DERA: variants seen among roughly 807,000 people sequenced by gnomAD.
DERA encodes deoxyribose-phosphate aldolase, also known as 2-deoxy-D-ribose 5-phosphate aldolase.
Under a neutral mutation model 41.1 loss-of-function variants are expected in DERA, and 15 were observed. The observed-to-expected ratio is 0.37, with a 90% confidence interval of 0.24 to 0.56. DERA has a LOEUF of 0.56. DERA is among the 20% of genes least tolerant of loss of function. The pLI is 0.81. For missense variants in DERA, 396 were observed against 403.4 expected (o/e 0.98, Z 0.16); for synonymous variants, 139 against 137.4 (o/e 1.01, Z -0.08).
rs1226678012 is a variant in DERA at position 16,012,123 on chromosome 12, G to C, written c.638-20419G>C. ...GTATGCACTTTATAGAAAAGTACTA[G>C]CATAGAGTGGGTGCTCAGTAAGTGT... On this transcript the variant is annotated intron_variant, in intron 6 of 8. Transcript: ENST00000428559. This position sits in a 1 kb window ranked among gnomAD's most constrained non-coding sequence, Gnocchi z 4.1. 6.6e-6 allele frequency among the ~76,000 whole-genome samples: 1 copy of C among 152,218 alleles called. No homozygotes were observed. Among genetic ancestry groups the C allele is most frequent in the Non-Finnish European group, 1.5e-5 (1 of 68,040 alleles).
At chr12:15,926,522 A>G (rs1337271536) in intron 1 of DERA, among the ~76,000 whole-genome samples, 9 of 151,988 alleles carry the variant, frequency 5.9e-5, no homozygotes, top group Admixed American at 1.3e-4. Context: ...GGATCACGAG[A>G]TGAGGAGATC....
Position 15,993,444 on chromosome 12 carries a change from C to G in DERA, c.637+11008C>G, listed in dbSNP as rs147040937. 2.7e-5 allele frequency among the ~76,000 whole-genome samples: 4 copies of G among 150,826 alleles called. No homozygotes were observed. The East Asian group carries it at 7.8e-4, about 29-fold the overall frequency. On this transcript the variant is annotated intron_variant, in intron 6 of 8. Coordinates refer to ENST00000428559, the MANE Select transcript of DERA (RefSeq NM_015954.4). This position sits in a 1 kb window ranked among gnomAD's most constrained non-coding sequence, Gnocchi z 4.4. Reference sequence around the variant, plus strand: ...CTTTGTATACTCAAGGAGTATTGATCCAGATGGCACATCTAGACTCCTGTG... The same window carrying G: ...CTTTGTATACTCAAGGAGTATTGATGCAGATGGCACATCTAGACTCCTGTG...
chr12:15,923,268 C>T (rs958656234), intron 1 of DERA, among the ~76,000 whole-genome samples: 9 of 151,744 alleles, frequency 5.9e-5, no homozygotes, highest in Non-Finnish European at 1.3e-4. Context: ...GTGATCCGCC[C>T]GCCTCGGCCT....
At chr12:16,022,708 A>C (rs1163504703) in intron 6 of DERA, among the ~76,000 whole-genome samples, 1 of 152,210 alleles carries the variant, frequency 6.6e-6, no homozygotes, top group African/African-American at 2.4e-5. Flanking sequence ...TGAAATCCAG[A>C]GAGACAGATA....
rs988786365 is a variant in DERA, at chr12:15,922,365, T to A, written c.31+10951T>A. ...TCTTGAGCTAGGCAAAGATCTCATA[T>A]GGATTTTTATTAGTGAAAACATTTC... On this transcript the variant is annotated intron_variant, in intron 1 of 8. Transcript: ENST00000428559. This position sits in a 1 kb window ranked among gnomAD's most constrained non-coding sequence, Gnocchi z 4.9. 1.3e-5 allele frequency among the ~76,000 whole-genome samples: 2 copies of A among 152,174 alleles called. No individual in the cohort carries two copies. The highest frequency in any genetic ancestry group is 4.8e-5 in the African/African-American group (2 of 41,444).
rs1327698182 is a variant in DERA, at chr12:15,970,942, A to G, written c.508+7995A>G. Among the ~76,000 whole-genome samples, 3 of 152,234 alleles carry G rather than the reference A, an allele frequency of 2.0e-5. No individual in the cohort carries two copies. The highest frequency in any genetic ancestry group is 4.4e-5 in the Non-Finnish European group (3 of 68,048). ...AATGGTGTTACCATCTTTATTCAGA[A>G]AGTCATTATTTTTAGCAAAATGGGG... On this transcript the variant is annotated intron_variant, in intron 5 of 8. Coordinates refer to ENST00000428559, the MANE Select transcript of DERA (RefSeq NM_015954.4). This position sits in a 1 kb window ranked among gnomAD's most constrained non-coding sequence, Gnocchi z 4.3.
intron 1 of DERA, among the ~76,000 whole-genome samples, chr12:15,912,188 G>A (rs1480930743): frequency 2.0e-5 from 3 of 151,964 alleles, no homozygotes; most frequent in Non-Finnish European, 4.4e-5. Flanking sequence ...TTGTGTCCCT[G>A]GGTACTTAAG....
rs568668218 is a variant in DERA at position 15,940,472 on chromosome 12, C to T, written c.32-16464C>T. Among the ~76,000 whole-genome samples, 6 of 152,206 alleles carry T rather than the reference C, an allele frequency of 3.9e-5. No homozygotes were observed. Among genetic ancestry groups the T allele is most frequent in the African/African-American group, 1.4e-4 (6 of 41,510 alleles). On this transcript the variant is annotated intron_variant, in intron 1 of 8. Coordinates refer to ENST00000428559, the MANE Select transcript of DERA (RefSeq NM_015954.4). The surrounding 1 kb of genome is among the most constrained non-coding windows in gnomAD (Gnocchi z 5.1). ...GTTCAAACGATTCTTCTGCCTCAGC[C>T]TCTCGAGTAGCTGGGACTACAGGCG...
chr12:15,936,886 T>TGTCCTGTCC lies in DERA; in HGVS notation c.32-20050_32-20049insGTCCTGTCC, dbSNP rs1948369017. 3.8e-3 allele frequency among the ~76,000 whole-genome samples: 514 copies of TGTCCTGTCC among 136,872 alleles called. 4 individuals carry two copies. Among genetic ancestry groups the TGTCCTGTCC allele is most frequent in the African/African-American group, 0.016 (493 of 31,214 alleles). 89.8% of individuals were successfully genotyped at this position (136,872 alleles called of 152,430 possible). A position where few individuals can be genotyped will look rare whatever the true frequency, so the allele number is the denominator to read the frequency against. On this transcript the variant is annotated intron_variant, in intron 1 of 8. Transcript: ENST00000428559. The surrounding 1 kb of genome is among the most constrained non-coding windows in gnomAD (Gnocchi z 4.6). Reference sequence around the variant, plus strand: ...TTGTCTTGTCTTGTCTTGTCTTGTCTTGTCCTGTCCTGTCCTGTCCTGTCC... The same window carrying TGTCCTGTCC: ...TTGTCTTGTCTTGTCTTGTCTTGTCTGTCCTGTCCTGTCCTGTCCTGTCCTGTCCTGTCC...
intron 4 of DERA, among the ~76,000 whole-genome samples, chr12:15,960,278 CTATA>C (rs752759262): frequency 2.0e-5 from 3 of 149,110 alleles, no homozygotes; most frequent in East Asian, 3.9e-4. Context: ...ATATATATAA[CTATA>C]TACATACTAA....
rs1185430749 is a variant in DERA at position 15,966,663 on chromosome 12, C to T, written c.508+3716C>T. Among the ~76,000 whole-genome samples, 1 of 152,034 alleles carries T rather than the reference C, an allele frequency of 6.6e-6. No homozygotes were observed. Among genetic ancestry groups the T allele is most frequent in the East Asian group, 1.9e-4 (1 of 5,164 alleles). ...TGCTTTGTTGTTGTGGCTTTGGTGCCTACATTCCTGAGGTCTTCCTTTCTG... is the reference window on the plus strand; with the variant it reads ...TGCTTTGTTGTTGTGGCTTTGGTGCTTACATTCCTGAGGTCTTCCTTTCTG... On this transcript the variant is annotated intron_variant, in intron 5 of 8. Coordinates refer to ENST00000428559, the MANE Select transcript of DERA (RefSeq NM_015954.4). This position sits in a 1 kb window ranked among gnomAD's most constrained non-coding sequence, Gnocchi z 5.1.
Position 15,983,189 on chromosome 12 carries a change from AT to A in DERA, c.637+762del, listed in dbSNP as rs553125212. ...ATCTGTTCTCCACACTGTCACCACA[AT>A]TTTTTTTTAATGCTAATTTTATTAT... On this transcript the variant is annotated intron_variant, in intron 6 of 8. Coordinates refer to ENST00000428559, the MANE Select transcript of DERA (RefSeq NM_015954.4). The surrounding 1 kb of genome is among the most constrained non-coding windows in gnomAD (Gnocchi z 6.2). Among the ~76,000 whole-genome samples the A allele has an allele frequency of 4.1e-3, 618 of 151,424 alleles. 4 individuals are homozygous for A. The highest frequency in any genetic ancestry group is 0.021 in the Middle Eastern group (6 of 292).
chr12:15,962,803 A>T lies in DERA; in HGVS notation c.374-10A>T. ...CCCTCTTTCTTCATTTCCTTTCTTA[A>T]CTCTATTAGTGGCCGCTGGATTTCC... On this transcript the variant is annotated splice_polypyrimidine_tract_variant and intron_variant, in intron 4 of 8. Transcript: ENST00000428559. The T allele has an allele frequency of 6.6e-7, 1 of 1,517,850 alleles. No individual in the cohort carries two copies. The highest frequency in any genetic ancestry group is 8.8e-7 in the Non-Finnish European group (1 of 1,129,962). The allele number at this position is 1,517,850 out of a possible 1,614,324, so 94.0% of individuals were successfully genotyped here.
intron 7 of DERA, 177 bp downstream of exon 7, chr12:16,032,831 T>G (rs990328269): frequency 3.2e-5 from 18 of 569,006 alleles, no homozygotes; most frequent in African/African-American, 3.1e-4. Flanking sequence ...AAAATTGTGA[T>G]GAACAGAAAG....
Position 15,950,668 on chromosome 12 carries a change from T to TATTTCACGTGGGGTCCTGCTC in DERA, c.32-6266_32-6246dup, listed in dbSNP as rs1948490771. Among the ~76,000 whole-genome samples, 5 of 152,318 alleles carry TATTTCACGTGGGGTCCTGCTC rather than the reference T, an allele frequency of 3.3e-5. No homozygotes were observed. The South Asian group carries it at 1.0e-3, about 32-fold the overall frequency. On this transcript the variant is annotated intron_variant, in intron 1 of 8. Coordinates refer to ENST00000428559, the MANE Select transcript of DERA (RefSeq NM_015954.4). ...TTCCCTATATGATGGCCTCATTGCTTATTTCACGTGGGGTCCTGCTCAAAT... is the reference window on the plus strand; with the variant it reads ...TTCCCTATATGATGGCCTCATTGCTTATTTCACGTGGGGTCCTGCTCATTTCACGTGGGGTCCTGCTCAAAT...
chr12:15,994,145 A>G lies in DERA; in HGVS notation c.637+11709A>G, dbSNP rs886743708. Among the ~76,000 whole-genome samples the G allele has an allele frequency of 6.6e-6, 1 of 152,222 alleles. No individual in the cohort carries two copies. Among genetic ancestry groups the G allele is most frequent in the Non-Finnish European group, 1.5e-5 (1 of 68,034 alleles). On this transcript the variant is annotated intron_variant, in intron 6 of 8. Transcript: ENST00000428559. This position sits in a 1 kb window ranked among gnomAD's most constrained non-coding sequence, Gnocchi z 4.8. ...CTTGCCTAGAAAAATTCACAGGTGCAAAGACTGGTACATAGTAAATGCCTA... is the reference window on the plus strand; with the variant it reads ...CTTGCCTAGAAAAATTCACAGGTGCGAAGACTGGTACATAGTAAATGCCTA...
chr12:15,944,461 G>A (rs1445869947), intron 1 of DERA, among the ~76,000 whole-genome samples: 1 of 152,092 alleles, frequency 6.6e-6, no homozygotes, highest in Non-Finnish European at 1.5e-5. Flanking sequence ...GTTTTGATTT[G>A]CATTTCTCTG....
intron 1 of DERA, chr12:15,951,518 T>G (rs193294335): frequency 6.6e-6 from 1 of 152,398 alleles, no homozygotes; most frequent in East Asian, 1.9e-4. Context: ...GTTTACCTAC[T>G]GTAGTCTGCC....
chr12:15,993,464 C>A lies in DERA; in HGVS notation c.637+11028C>A, dbSNP rs1948815349. Among the ~76,000 whole-genome samples, 1 of 150,114 alleles carries A rather than the reference C, an allele frequency of 6.7e-6. No homozygotes were observed. Among genetic ancestry groups the A allele is most frequent in the Non-Finnish European group, 1.5e-5 (1 of 67,732 alleles). ...TTGATCCAGATGGCACATCTAGACT[C>A]CTGTGGTGTTGTGGCCTTTTTTTTT... On this transcript the variant is annotated intron_variant, in intron 6 of 8. Transcript: ENST00000428559. This position sits in a 1 kb window ranked among gnomAD's most constrained non-coding sequence, Gnocchi z 4.4.
Sources: gnomAD v4.1 joint callset for allele counts (sites outside exome capture counted in the v4.1 genomes callset) on GRCh38, gnomAD v4.1.1 for gene constraint, Gnocchi (gnomAD v3.1) non-coding constraint, MANE v1.5 for transcripts, NCBI Gene and HGNC (gene_info 2026-07-23, HGNC 2026-07-21) for gene names.